The following METTL15 variants were observed in gnomAD, a reference collection of about 807,000 sequenced individuals.
The protein encoded by METTL15 is 12S rRNA N(4)-cytidine methyltransferase METTL15.
A neutral mutation model predicts 38.3 loss-of-function variants in METTL15; 34 were observed. That is an observed-to-expected ratio of 0.89 (90% CI 0.68 to 1.18). The LOEUF is 1.18. Among genes scored for constraint, METTL15 ranks in the 50% most tolerant of loss-of-function variants. METTL15 has a pLI of 0.00. For synonymous variants in METTL15, 162 were observed against 170.9 expected (o/e 0.95, Z 0.41); for missense variants, 438 against 498.4 (o/e 0.88, Z 1.15).
chr11:28,376,750 A>T (rs1374387512), intron 5 of METTL15, among the ~76,000 whole-genome samples: 1 of 150,696 alleles, frequency 6.6e-6, no homozygotes, highest in Admixed American at 6.6e-5. Context: ...GTTTCTTCGT[A>T]GTCTCGATGG....
At chr11:28,237,033 A>C (rs186592305) in intron 4 of METTL15, among the ~76,000 whole-genome samples, 109 of 151,952 alleles carry the variant, frequency 7.2e-4, no homozygotes, top group African/African-American at 2.3e-3. Flanking sequence ...CTGCCCTTAT[A>C]ATTTTTTCCT....
chr11:28,238,692 C>A (rs1293410987), intron 4 of METTL15, among the ~76,000 whole-genome samples: 2 of 152,202 alleles, frequency 1.3e-5, no homozygotes, highest in Non-Finnish European at 2.9e-5. Context: ...TCACCCGTCT[C>A]CTGCGTCGCT....
intron 3 of METTL15, among the ~76,000 whole-genome samples, chr11:28,124,968 A>G (rs910219444): frequency 6.6e-6 from 1 of 152,108 alleles, no homozygotes; most frequent in African/African-American, 2.4e-5. Context: ...TTTTTCTCCA[A>G]TTTAAAATTA....
intron 4 of METTL15, among the ~76,000 whole-genome samples, chr11:28,261,817 A>G (rs746473245): frequency 6.6e-6 from 1 of 152,176 alleles, no homozygotes. Context: ...AATAGCTACT[A>G]TTTACTGACT....
intron 6 of METTL15, among the ~76,000 whole-genome samples, chr11:28,504,227 G>A (rs4345950): frequency 0.24 from 35,501 of 147,610 alleles, 4,564 homozygotes; most frequent in Non-Finnish European, 0.26. Context: ...AAGAGAGGGA[G>A]AAAAGAAAAA....
Position 28,365,876 on chromosome 11 carries a change from C to T in METTL15, c.*358+3840C>T, listed in dbSNP as rs543321989. Among the ~76,000 whole-genome samples the T allele has an allele frequency of 1.1e-4, 16 of 152,068 alleles. No homozygotes were observed. The South Asian group carries it at 3.1e-3, about 30-fold the overall frequency. ...ACCTTCCTGGCTAACATGGTGAAAC[C>T]CCTTCTCTACTGAAAATACAAAAAA... On this transcript the variant is annotated intron_variant and NMD_transcript_variant, in intron 5 of 7. Coordinates refer to the METTL15 transcript ENST00000532947.
At chr11:28,132,226 T>C (rs2133635707) in intron 3 of METTL15, among the ~76,000 whole-genome samples, 1 of 152,320 alleles carries the variant, frequency 6.6e-6, no homozygotes, top group South Asian at 2.1e-4. Flanking sequence ...TTTTTTGCCC[T>C]GTAAAGGTCA....
chr11:28,212,842 ATTG>A lies in METTL15; in HGVS notation c.407+1650_407+1652del, dbSNP rs561599562. Reference sequence around the variant, plus strand: ...TAGAAAAACTGAATTCTCGTAAGATATTGTTGTTTCTTAAGGCAATGATTCCCA... The same window carrying A: ...TAGAAAAACTGAATTCTCGTAAGATATTGTTTCTTAAGGCAATGATTCCCA... On this transcript the variant is annotated intron_variant, in intron 4 of 6. Coordinates refer to ENST00000407364, the MANE Select transcript of METTL15 (RefSeq NM_001113528.2). Among the ~76,000 whole-genome samples the A allele has an allele frequency of 9.9e-5, 15 of 152,268 alleles. No homozygotes were observed. The South Asian group carries it at 2.3e-3, about 23-fold the overall frequency.
chr11:28,306,932 A>G (rs1439386872), intron 6 of METTL15, among the ~76,000 whole-genome samples: 1 of 151,994 alleles, frequency 6.6e-6, no homozygotes, highest in African/African-American at 2.4e-5. Context: ...ATTATGGAAT[A>G]TCTAGGAAAT....
At chr11:28,435,317 G>A (rs920150943) in intron 6 of METTL15, among the ~76,000 whole-genome samples, 1 of 152,090 alleles carries the variant, frequency 6.6e-6, no homozygotes, top group African/African-American at 2.4e-5. Flanking sequence ...GGCAAAACGA[G>A]GACAGAATAA....
intron 6 of METTL15, among the ~76,000 whole-genome samples, chr11:28,475,391 A>G (rs1851337426): frequency 6.6e-6 from 1 of 151,954 alleles, no homozygotes; most frequent in African/African-American, 2.4e-5. Context: ...TTTTCCCTCC[A>G]TCTATTGTCC....
At chr11:28,123,572 C>G (rs1487456612) in intron 3 of METTL15, among the ~76,000 whole-genome samples, 1 of 151,922 alleles carries the variant, frequency 6.6e-6, no homozygotes, top group African/African-American at 2.4e-5. Flanking sequence ...AAACAAATAC[C>G]AGGAGGTAAT....
chr11:28,140,311 G>A (rs1221369320), intron 3 of METTL15, among the ~76,000 whole-genome samples: 1 of 152,118 alleles, frequency 6.6e-6, no homozygotes, highest in Non-Finnish European at 1.5e-5. Context: ...AACAAAAGAA[G>A]GAAAATACTG....
At chr11:28,412,074 T>A (rs1014214020) in intron 5 of METTL15, among the ~76,000 whole-genome samples, 2 of 151,924 alleles carry the variant, frequency 1.3e-5, no homozygotes, top group African/African-American at 4.8e-5. Context: ...GTGGCTATTA[T>A]CAAAAAGATT....
intron 3 of METTL15, among the ~76,000 whole-genome samples, chr11:28,141,305 C>T (rs972901101): frequency 9.9e-5 from 15 of 152,070 alleles, no homozygotes; most frequent in African/African-American, 3.6e-4. Flanking sequence ...ATATGAATCA[C>T]GGTCCTGTTG....
At chr11:28,265,997 C>A (rs1248991995) in intron 4 of METTL15, among the ~76,000 whole-genome samples, 1 of 152,170 alleles carries the variant, frequency 6.6e-6, no homozygotes, top group Non-Finnish European at 1.5e-5. Flanking sequence ...GTGTGATGTT[C>A]CCCTTCCTGT....
At chr11:28,506,000 C>T (rs1374037822) in intron 6 of METTL15, among the ~76,000 whole-genome samples, 1 of 152,194 alleles carries the variant, frequency 6.6e-6, no homozygotes, top group Non-Finnish European at 1.5e-5. Context: ...TCCTCTTGCC[C>T]TGTAAGTTTG....
At chr11:28,411,028 G>C (rs1356247693) in intron 5 of METTL15, among the ~76,000 whole-genome samples, 1 of 151,544 alleles carries the variant, frequency 6.6e-6, no homozygotes, top group Non-Finnish European at 1.5e-5. Flanking sequence ...AAAATAGCCA[G>C]GAATAAATTT....
intron 5 of METTL15, among the ~76,000 whole-genome samples, chr11:28,291,580 T>C (rs1346113141): frequency 4.6e-5 from 7 of 152,020 alleles, no homozygotes; most frequent in African/African-American, 1.7e-4. Context: ...TGACCTGTAG[T>C]TGTTGGGACT....
Sources: gnomAD v4.1 joint callset for allele counts (sites outside exome capture counted in the v4.1 genomes callset) on GRCh38, gnomAD v4.1.1 for gene constraint, MANE v1.5 for transcripts, NCBI Gene and HGNC (gene_info 2026-07-23, HGNC 2026-07-21) for gene names.